Variants in PCDHGA3 observed in about 807,000 individuals in gnomAD.
PCDHGA3 encodes protocadherin gamma-A3.
A neutral mutation model predicts 58.5 loss-of-function variants in PCDHGA3; 40 were observed. The ratio of observed to expected loss-of-function variants is 0.68; its 90% CI spans 0.53 to 0.89. The LOEUF (loss-of-function observed/expected upper bound fraction) is 0.89. Ranked by LOEUF, PCDHGA3 falls within the 40% of genes least tolerant of loss-of-function variation. PCDHGA3 has a pLI of 0.00. For synonymous variants in PCDHGA3, 530 were observed against 525.7 expected, an observed-to-expected ratio of 1.01 and a Z score of -0.11; for missense variants, 1,223 against 1,195.9, an observed-to-expected ratio of 1.02 and a Z score of -0.33.
chr5:141,422,901 C>T (rs768086403), intron 1 of PCDHGA3: 5 of 1,614,276 alleles, frequency 3.1e-6, no homozygotes, highest in Non-Finnish European at 4.2e-6. Context: ...ACCAGAACGA[C>T]AATGCGCCCG....
chr5:141,366,382 T>C (rs1447635844), intron 1 of PCDHGA3: 2 of 1,614,012 alleles, frequency 1.2e-6, no homozygotes, highest in East Asian at 2.2e-5. Flanking sequence ...CCATTGACCC[T>C]GAGGATCTGG....
intron 1 of PCDHGA3, among the ~76,000 whole-genome samples, chr5:141,439,341 G>A (rs1464427300): frequency 6.6e-6 from 1 of 152,166 alleles, no homozygotes; most frequent in East Asian, 1.9e-4. Context: ...AAGATTCTAA[G>A]CCTACAAATA....
chr5:141,354,727 C>A (rs749697850), intron 1 of PCDHGA3, among the ~76,000 whole-genome samples: 19 of 151,968 alleles, frequency 1.3e-4, no homozygotes, highest in Non-Finnish European at 1.8e-4. Flanking sequence ...TGGGGATGAA[C>A]AATGTGAAAA....
intron 1 of PCDHGA3, chr5:141,362,061 G>A (rs1318131072): frequency 6.2e-7 from 1 of 1,612,208 alleles, no homozygotes; most frequent in South Asian, 1.1e-5. Flanking sequence ...GCCAGCGCCT[G>A]CTGGTCGCTG....
At chr5:141,457,929 C>T (rs1207409757) in intron 1 of PCDHGA3, among the ~76,000 whole-genome samples, 2 of 152,194 alleles carry the variant, frequency 1.3e-5, no homozygotes, top group Non-Finnish European at 2.9e-5. Context: ...CCCCAAGGGG[C>T]TTTTATTGGC....
At position 141,418,573 on chromosome 5, in the gene PCDHGA3, C is replaced by A. The variant is rs749104686; in HGVS notation, c.2424+72116C>A. 5.0e-6 allele frequency: 8 copies of A among 1,613,826 alleles called. No individual in the cohort carries two copies. The South Asian group carries it at 5.5e-5, about 11-fold the overall frequency. Reference sequence around the variant, plus strand: ...TCCTGGTAATAGATGCCAATGACAACCCCCCAGTGTTCAGCCAGGACGTGT... The same window carrying A: ...TCCTGGTAATAGATGCCAATGACAAACCCCCAGTGTTCAGCCAGGACGTGT... On this transcript the variant is annotated intron_variant, in intron 1 of 3. Transcript: ENST00000253812.
At chr5:141,377,633 T>C (rs1357016658) in intron 1 of PCDHGA3, 2 of 152,058 alleles carry the variant, frequency 1.3e-5, no homozygotes, top group Non-Finnish European at 2.9e-5. Flanking sequence ...TTGTTTTTTC[T>C]CAGTGTTACT....
At chr5:141,471,743 C>T (rs769600930) in intron 1 of PCDHGA3, among the ~76,000 whole-genome samples, 2 of 152,142 alleles carry the variant, frequency 1.3e-5, no homozygotes, top group Non-Finnish European at 2.9e-5. Flanking sequence ...GGAGACATAA[C>T]ATATTTGAGG....
intron 1 of PCDHGA3, chr5:141,376,053 C>A (rs1453617614): frequency 6.2e-7 from 1 of 1,613,372 alleles, no homozygotes; most frequent in African/African-American, 1.3e-5. Flanking sequence ...CTCTCCGCCA[C>A]TGTCACGCTC....
At chr5:141,500,012 A>G (rs2099795840) in intron 2 of PCDHGA3, among the ~76,000 whole-genome samples, 1 of 151,622 alleles carries the variant, frequency 6.6e-6, no homozygotes, top group Non-Finnish European at 1.5e-5. Flanking sequence ...TAAGGTCCAC[A>G]TTTTATATTT....
chr5:141,356,106 A>G, intron 1 of PCDHGA3: 3 of 1,613,884 alleles, frequency 1.9e-6, no homozygotes, highest in Non-Finnish European at 2.5e-6. Context: ...GGGATATAAC[A>G]ATATTGGGGG....
At chr5:141,429,486 A>C (rs2097218130) in intron 1 of PCDHGA3, among the ~76,000 whole-genome samples, 1 of 152,114 alleles carries the variant, frequency 6.6e-6, no homozygotes, top group Non-Finnish European at 1.5e-5. Context: ...AGTAGCTGAG[A>C]CTACAGTTGC....
chr5:141,365,097 C>T (rs1763734709), intron 1 of PCDHGA3: 6 of 1,613,888 alleles, frequency 3.7e-6, no homozygotes, highest in East Asian at 2.2e-5. Flanking sequence ...GAGAACATAC[C>T]TGTGGGCACT....
chr5:141,365,347 C>T (rs762446364), intron 1 of PCDHGA3: 10 of 1,613,828 alleles, frequency 6.2e-6, no homozygotes, highest in East Asian at 2.2e-5. Context: ...CAGTACAGGA[C>T]GTGAATGACA....
chr5:141,363,872 T>G (rs1338866734), intron 1 of PCDHGA3, among the ~76,000 whole-genome samples: 1 of 152,152 alleles, frequency 6.6e-6, no homozygotes, highest in African/African-American at 2.4e-5. Flanking sequence ...AAGAGGTAAA[T>G]AAAGGACATA....
rs767337670 is a variant in PCDHGA3 at position 141,433,083 on chromosome 5, A to G, written c.2425-61724A>G. 8.1e-6 allele frequency: 13 copies of G among 1,614,174 alleles called. 1 individual carries two copies. Among genetic ancestry groups the G allele is most frequent in the Non-Finnish European group, 9.3e-6 (11 of 1,180,024 alleles). ...CACCTGATCTTCCCCCAGCCCAACT[A>G]TGCAGACATGCTCGTCAGCCAGGAG... On this transcript the variant is annotated intron_variant, in intron 1 of 3. Coordinates refer to ENST00000253812, the MANE Select transcript of PCDHGA3 (RefSeq NM_018916.4).
intron 1 of PCDHGA3, chr5:141,395,958 A>G (rs1224647324): frequency 6.6e-6 from 1 of 152,208 alleles, no homozygotes; most frequent in Admixed American, 6.5e-5. Context: ...ACAAAAAACA[A>G]AAGCAAAAAC....
rs757707945 is a variant in PCDHGA3 at position 141,399,045 on chromosome 5, A to C, written c.2424+52588A>C. On this transcript the variant is annotated intron_variant, in intron 1 of 3. Coordinates refer to ENST00000253812, the MANE Select transcript of PCDHGA3 (RefSeq NM_018916.4). ...CCACTCAAAAGAAACTGGATTTTGAAGAGACCAAGGAATATTCAATGGTTG... is the reference window on the plus strand; with the variant it reads ...CCACTCAAAAGAAACTGGATTTTGACGAGACCAAGGAATATTCAATGGTTG... The C allele has an allele frequency of 3.1e-6, 5 of 1,613,878 alleles. No individual in the cohort carries two copies. The Admixed American group carries it at 5.0e-5, about 16-fold the overall frequency.
rs762497935 is a variant in PCDHGA3, at chr5:141,345,943, C to T, written c.1910C>T (p.Ala637Val). The T allele has an allele frequency of 1.1e-5, 18 of 1,613,460 alleles. No individual in the cohort carries two copies. The highest frequency in any genetic ancestry group is 1.4e-5 in the Non-Finnish European group (16 of 1,179,890). ...GCGCGAGCCCTGCTGGACAGAGACG[C>T]GCTCAAGCAGAGCCTCGTGGTGGCC... ...RTARALLDRD[A>V]LKQSLVVAVQ... The change falls in exon 1 of 4, where the codon GCG becomes GTG. Residue 637 changes from alanine (A) to valine (V), a missense_variant. Coordinates refer to ENST00000253812, the MANE Select transcript of PCDHGA3 (RefSeq NM_018916.4).
Sources: gnomAD v4.1 joint callset for allele counts (sites outside exome capture counted in the v4.1 genomes callset) on GRCh38, gnomAD v4.1.1 for gene constraint, MANE v1.5 for transcripts, NCBI Gene and HGNC (gene_info 2026-07-23, HGNC 2026-07-21) for gene names.